NAALADL2: variants seen among roughly 807,000 people sequenced by gnomAD.
NAALADL2 encodes inactive N-acetylated-alpha-linked acidic dipeptidase-like protein 2.
NAALADL2 carries 76 observed loss-of-function variants against 87.2 expected under a neutral mutation model. That is an observed-to-expected ratio of 0.87 (90% CI 0.72 to 1.05). NAALADL2 has a LOEUF of 1.05. Ranked by LOEUF, NAALADL2 falls within the 50% of genes least tolerant of loss-of-function variation. The pLI, the probability that NAALADL2 is intolerant of heterozygous loss-of-function variation, is 0.00. For synonymous variants in NAALADL2, 354 were observed against 331.0 expected (o/e 1.07, Z -0.75); for missense variants, 1,089 against 945.8 (o/e 1.15, Z -1.99).
At chr3:175,350,879 G>T (rs931980158) in intron 5 of NAALADL2, among the ~76,000 whole-genome samples, 1 of 152,112 alleles carries the variant, frequency 6.6e-6, no homozygotes, top group Admixed American at 6.6e-5. Flanking sequence ...TCTCTGCTAA[G>T]AATTCAATCT....
At chr3:175,191,902 C>T (rs1738265929) in intron 2 of NAALADL2, among the ~76,000 whole-genome samples, 1 of 152,092 alleles carries the variant, frequency 6.6e-6, no homozygotes, top group African/African-American at 2.4e-5. Flanking sequence ...TGGAAAGCTT[C>T]TCCAACAGTG....
At position 175,505,276 on chromosome 3, in the gene NAALADL2, A is replaced by C. The variant is rs868466039; in HGVS notation, c.1653+33518A>C. On this transcript the variant is annotated intron_variant, in intron 9 of 13. Coordinates refer to ENST00000454872, the MANE Select transcript of NAALADL2 (RefSeq NM_207015.3). ...AAGACCCTGTCTCGAGAAAAAAAAA[A>C]AAAAAGAGTCTGCCTGAAGACAGAG... is the stretch of plus-strand genomic sequence containing the variant. Among the ~76,000 whole-genome samples, 693 of 152,052 alleles carry C rather than the reference A, an allele frequency of 4.6e-3. 5 individuals carry two copies. Among genetic ancestry groups the C allele is most frequent in the African/African-American group, 0.016 (653 of 41,486 alleles).
intron 4 of NAALADL2, among the ~76,000 whole-genome samples, chr3:175,293,933 T>C (rs1443319794): frequency 6.6e-6 from 1 of 152,214 alleles, no homozygotes; most frequent in Non-Finnish European, 1.5e-5. Flanking sequence ...ACTTGGCCTT[T>C]AGTATTCATA....
At chr3:174,786,706 T>C (rs1578924883) in intron 3 of NAALADL2, among the ~76,000 whole-genome samples, 1 of 152,028 alleles carries the variant, frequency 6.6e-6, no homozygotes, top group East Asian at 1.9e-4. Flanking sequence ...TGAAACCAAA[T>C]TGTAATGTTA....
intron 11 of NAALADL2, among the ~76,000 whole-genome samples, chr3:175,690,344 AAC>A (rs1365304633): frequency 6.6e-6 from 1 of 152,058 alleles, no homozygotes; most frequent in Non-Finnish European, 1.5e-5. Context: ...AGAGAAATGA[AAC>A]ACATCGTAAG....
chr3:175,041,142 A>G (rs1344417200), intron 1 of NAALADL2, among the ~76,000 whole-genome samples: 1 of 152,114 alleles, frequency 6.6e-6, no homozygotes, highest in Admixed American at 6.6e-5. Flanking sequence ...TTTCATGCTG[A>G]TGCTATGTTT....
intron 2 of NAALADL2, among the ~76,000 whole-genome samples, chr3:174,560,138 C>T (rs1000205493): frequency 6.6e-6 from 1 of 152,082 alleles, no homozygotes; most frequent in African/African-American, 2.4e-5. Context: ...TTGTCTCTAG[C>T]CTTCAACAGT....
intron 1 of NAALADL2, among the ~76,000 whole-genome samples, chr3:175,063,220 G>A (rs1447436147): frequency 2.0e-5 from 3 of 152,090 alleles, no homozygotes. Flanking sequence ...GTGTCACAGA[G>A]TAACTTGGCA....
At chr3:175,432,238 A>G (rs1717880950) in intron 5 of NAALADL2, among the ~76,000 whole-genome samples, 1 of 151,998 alleles carries the variant, frequency 6.6e-6, no homozygotes, top group Non-Finnish European at 1.5e-5. Context: ...TAAAAATGGA[A>G]TGAGACAATA....
chr3:175,191,972 A>G (rs1738275509), intron 2 of NAALADL2, among the ~76,000 whole-genome samples: 1 of 151,682 alleles, frequency 6.6e-6, no homozygotes, highest in African/African-American at 2.4e-5. Context: ...TGTTCTCCCC[A>G]AAATGAAATA....
At chr3:174,607,621 C>T (rs2108628845) in intron 2 of NAALADL2, among the ~76,000 whole-genome samples, 1 of 151,962 alleles carries the variant, frequency 6.6e-6, no homozygotes, top group Non-Finnish European at 1.5e-5. Context: ...AGCTAACTAT[C>T]CTAAATATAT....
At chr3:175,171,181 A>G (rs1481445444) in intron 2 of NAALADL2, among the ~76,000 whole-genome samples, 1 of 152,014 alleles carries the variant, frequency 6.6e-6, no homozygotes, top group Non-Finnish European at 1.5e-5. Flanking sequence ...GTCAGGTGCT[A>G]TTATTCTGCA....
intron 3 of NAALADL2, among the ~76,000 whole-genome samples, chr3:174,738,017 T>G (rs529986015): frequency 2.6e-4 from 39 of 152,300 alleles, no homozygotes; most frequent in African/African-American, 9.4e-4. Flanking sequence ...CTTGTCTTGG[T>G]GTGTATCAAT....
chr3:175,584,987 T>C (rs9825883), intron 10 of NAALADL2, among the ~76,000 whole-genome samples: 20,026 of 152,148 alleles, frequency 0.13, 1,458 homozygotes, highest in Middle Eastern at 0.22. Flanking sequence ...ATAAATAACC[T>C]TAGTTTACTG....
rs115483899 is a variant in NAALADL2, at chr3:174,478,362, C to T, written c.-184+37330C>T. Among the ~76,000 whole-genome samples the T allele has an allele frequency of 1.8e-3, 280 of 152,194 alleles. 1 individual carries two copies. The highest frequency in any genetic ancestry group is 6.5e-3 in the African/African-American group (268 of 41,546). On this transcript the variant is annotated intron_variant, in intron 1 of 3. Coordinates refer to the NAALADL2 transcript ENST00000434257. The stretch of plus-strand genomic sequence containing the variant: ...TTTAAGAATTACAAGACAGTGCTAT[C>T]TTACATATTGTGCAAATACACAAAT...
intron 11 of NAALADL2, among the ~76,000 whole-genome samples, chr3:175,632,401 C>A (rs757984588): frequency 2.0e-5 from 3 of 151,674 alleles, no homozygotes; most frequent in Non-Finnish European, 2.9e-5. Context: ...GCTTCCTGTA[C>A]AGCCTGTGGA....
chr3:175,197,574 G>A (rs1459727959), intron 2 of NAALADL2, among the ~76,000 whole-genome samples: 1 of 151,882 alleles, frequency 6.6e-6, no homozygotes, highest in Middle Eastern at 3.2e-3. Flanking sequence ...AGAACTTCGA[G>A]GCACAAGGAA....
chr3:175,384,666 A>T (rs138330138), intron 5 of NAALADL2, among the ~76,000 whole-genome samples: 1 of 152,046 alleles, frequency 6.6e-6, no homozygotes, highest in East Asian at 1.9e-4. Context: ...TTGTTTGTGC[A>T]ATAATATTGC....
intron 1 of NAALADL2, among the ~76,000 whole-genome samples, chr3:174,970,176 G>T (rs2108601974): frequency 6.6e-6 from 1 of 152,264 alleles, no homozygotes; most frequent in South Asian, 2.1e-4. Context: ...TAAAAAATGA[G>T]ATTGATTGTA....
Sources: gnomAD v4.1 joint callset for allele counts (sites outside exome capture counted in the v4.1 genomes callset) on GRCh38, gnomAD v4.1.1 for gene constraint, MANE v1.5 for transcripts, NCBI Gene and HGNC (gene_info 2026-07-23, HGNC 2026-07-21) for gene names.